HEMK2: variants seen among roughly 807,000 people sequenced by gnomAD.
The protein encoded by HEMK2 is HemK methyltransferase 2, ETF1 glutamine and histone H4 lysine.
the HEMK2 span, among the ~76,000 whole-genome samples, chr21:28,743,797 T>C: frequency 7.9e-5 from 12 of 152,216 alleles, no homozygotes; most frequent in African/African-American, 2.9e-4. Context: ...GCTTGGATCA[T>C]GCAAATGTGT....
chr21:28,631,305 T>G, the HEMK2 span, among the ~76,000 whole-genome samples: 8 of 152,332 alleles, frequency 5.3e-5, no homozygotes, highest in African/African-American at 1.9e-4. Context: ...CTGGAAATTC[T>G]TTAGCAAATG....
the HEMK2 span, among the ~76,000 whole-genome samples, chr21:28,815,404 G>A: frequency 2.5e-4 from 38 of 152,002 alleles, no homozygotes; most frequent in Admixed American, 2.4e-3. Flanking sequence ...AAAAAAGATA[G>A]GGAAGGGTCT....
the HEMK2 span, chr21:28,577,262 C>G: frequency 6.6e-6 from 1 of 152,186 alleles, no homozygotes; most frequent in Non-Finnish European, 1.5e-5. Context: ...TCAACTCAGG[C>G]CCACTCACTT....
At chr21:28,733,180 G>A in the HEMK2 span, among the ~76,000 whole-genome samples, 53,631 of 151,706 alleles carry the variant, frequency 0.35, 10,787 homozygotes, top group African/African-American at 0.55. Flanking sequence ...TCGGGAGGCT[G>A]AGGCAGGAGA....
the HEMK2 span, among the ~76,000 whole-genome samples, chr21:28,841,793 C>T: frequency 2.0e-5 from 3 of 151,866 alleles, no homozygotes; most frequent in Admixed American, 6.6e-5. Flanking sequence ...ACCACCTGTA[C>T]CCCAATAATT....
chr21:28,644,083 T>C, the HEMK2 span, among the ~76,000 whole-genome samples: 1 of 152,204 alleles, frequency 6.6e-6, no homozygotes, highest in African/African-American at 2.4e-5. Flanking sequence ...CTCACATTAC[T>C]ATAAGGAAAT....
the HEMK2 span, among the ~76,000 whole-genome samples, chr21:28,789,201 T>C: frequency 3.3e-5 from 5 of 152,200 alleles, no homozygotes; most frequent in African/African-American, 9.7e-5. Context: ...CCAGGTAACA[T>C]TGGCAGTATT....
chr21:28,865,907 GCCCTT>G, the HEMK2 span, among the ~76,000 whole-genome samples: 11 of 151,922 alleles, frequency 7.2e-5, no homozygotes, highest in South Asian at 2.1e-4. Flanking sequence ...TTCTAAAGTT[GCCCTT>G]TTCTTTTCTT....
chr21:28,818,737 CAAT>C, the HEMK2 span, among the ~76,000 whole-genome samples: 1 of 152,160 alleles, frequency 6.6e-6, no homozygotes, highest in Non-Finnish European at 1.5e-5. Flanking sequence ...CCGTGGGGCT[CAAT>C]AATAAGCTCT....
chr21:28,732,316 T>A, the HEMK2 span, among the ~76,000 whole-genome samples: 9 of 152,248 alleles, frequency 5.9e-5, no homozygotes, highest in African/African-American at 2.2e-4. Flanking sequence ...CTTTATTAAA[T>A]GGTATTTCAG....
At chr21:28,595,526 C>T in the HEMK2 span, among the ~76,000 whole-genome samples, 2 of 152,148 alleles carry the variant, frequency 1.3e-5, no homozygotes, top group African/African-American at 4.8e-5. Context: ...TTTTTTATAG[C>T]TAAATAGTAC....
the HEMK2 span, chr21:28,873,150 C>T: frequency 2.0e-5 from 3 of 152,172 alleles, no homozygotes; most frequent in Non-Finnish European, 4.4e-5. Context: ...CACTCTAACC[C>T]GTTTCCCAGA....
chr21:28,671,866 T>C, the HEMK2 span, among the ~76,000 whole-genome samples: 2 of 152,210 alleles, frequency 1.3e-5, no homozygotes, highest in African/African-American at 4.8e-5. Flanking sequence ...AATTCTGCCA[T>C]AGCACTAATA....
chr21:28,665,646 A>G, the HEMK2 span, among the ~76,000 whole-genome samples: 1 of 151,564 alleles, frequency 6.6e-6, no homozygotes, highest in South Asian at 2.1e-4. Context: ...TGGGACTGTA[A>G]ACTAGTTCAA....
At chr21:28,726,469 T>TA in the HEMK2 span, among the ~76,000 whole-genome samples, 1 of 152,188 alleles carries the variant, frequency 6.6e-6, no homozygotes, top group Non-Finnish European at 1.5e-5. Context: ...GTTCTTTGTT[T>TA]AAAAAATAGC....
At chr21:28,665,361 TTTTAATTTTCTTTTTTTTTTTTTTAA>T in the HEMK2 span, among the ~76,000 whole-genome samples, 1 of 116,754 alleles carries the variant, frequency 8.6e-6, no homozygotes, top group African/African-American at 3.9e-5. Flanking sequence ...TTTTTTTACT[TTTTAATTTTCTTTTTTTTTTTTTTAA>T]TTTTTTTTTT....
chr21:28,773,710 A>C, the HEMK2 span, among the ~76,000 whole-genome samples: 1 of 152,138 alleles, frequency 6.6e-6, no homozygotes. Context: ...AAAGACAAGG[A>C]TCATCTCTGG....
the HEMK2 span, among the ~76,000 whole-genome samples, chr21:28,806,003 T>G: frequency 2.0e-5 from 3 of 152,234 alleles, no homozygotes; most frequent in South Asian, 6.2e-4. Context: ...CCTTGTTTGT[T>G]TTTGAGTACA....
chr21:28,870,837 T>C, the HEMK2 span, among the ~76,000 whole-genome samples: 2 of 152,262 alleles, frequency 1.3e-5, no homozygotes, highest in East Asian at 3.8e-4. Context: ...CTATATCATA[T>C]TGATTCTTTG....
Sources: gnomAD v4.1 joint callset for allele counts (sites outside exome capture counted in the v4.1 genomes callset) on GRCh38, gnomAD v4.1.1 for gene constraint, MANE v1.5 for transcripts, NCBI Gene and HGNC (gene_info 2026-07-23, HGNC 2026-07-21) for gene names.